CLIC5: variants seen among roughly 807,000 people sequenced by gnomAD.
CLIC5 encodes CLIC family member 5.
A neutral mutation model predicts 24.7 loss-of-function variants in CLIC5; 20 were observed. The ratio of observed to expected loss-of-function variants is 0.81; its 90% CI spans 0.57 to 1.18. The LOEUF (loss-of-function observed/expected upper bound fraction) is 1.18. Among genes scored for constraint, CLIC5 ranks in the 50% most tolerant of loss-of-function variants. The pLI is 0.00. For missense variants in CLIC5, 341 were observed against 326.1 expected, an observed-to-expected ratio of 1.05 and a Z score of -0.35; for synonymous variants, 159 against 135.6, an observed-to-expected ratio of 1.17 and a Z score of -1.20.
chr6:45,904,929 G>A (rs953000593), intron 5 of CLIC5, among the ~76,000 whole-genome samples: 7 of 151,796 alleles, frequency 4.6e-5, no homozygotes, highest in South Asian at 2.1e-4. Flanking sequence ...CTTTATGTCC[G>A]TGAGTACCTA....
At chr6:46,116,493 G>C in the CLIC5 span, among the ~76,000 whole-genome samples, 4 of 152,202 alleles carry the variant, frequency 2.6e-5, no homozygotes, top group Non-Finnish European at 2.9e-5. Flanking sequence ...AAAGGGCCCT[G>C]TTAAGTACAT....
At chr6:45,887,898 GA>G (rs1314242924) in intron 6 of CLIC5, among the ~76,000 whole-genome samples, 2 of 151,840 alleles carry the variant, frequency 1.3e-5, no homozygotes, top group Non-Finnish European at 2.9e-5. Context: ...AAGAGAGAGA[GA>G]AAAAAAGGAG....
intron 1 of CLIC5, among the ~76,000 whole-genome samples, chr6:45,992,715 G>A (rs944422715): frequency 2.0e-5 from 3 of 152,096 alleles, no homozygotes; most frequent in African/African-American, 7.2e-5. Context: ...CCTCAAGGAC[G>A]CTTTGTAAAC....
At chr6:46,081,211 G>T (rs1197082674), upstream of CLIC5, among the ~76,000 whole-genome samples, 3 of 152,196 alleles carry the variant, frequency 2.0e-5, no homozygotes, top group African/African-American at 7.2e-5. Context: ...GCCATCCACA[G>T]ATGCTGTGAA....
At chr6:45,958,441 T>TATACACACACACACACAC (rs1554151284) in intron 1 of CLIC5, among the ~76,000 whole-genome samples, 11 of 17,944 alleles carry the variant, frequency 6.1e-4, no homozygotes, top group South Asian at 3.1e-3. Context: ...TATATATATA[T>TATACACACACACACACAC]ATATATATAT....
chr6:45,920,572 T>C (rs1763217419), intron 4 of CLIC5: 1 of 519,606 alleles, frequency 1.9e-6, no homozygotes, highest in African/African-American at 2.1e-5. Context: ...GCCACACTTG[T>C]TGACATTTGA....
At chr6:45,982,621 A>T (rs1303835499) in intron 1 of CLIC5, among the ~76,000 whole-genome samples, 1 of 152,176 alleles carries the variant, frequency 6.6e-6, no homozygotes, top group African/African-American at 2.4e-5. Context: ...CAAAATATAG[A>T]AAAAGCATAA....
At chr6:46,017,654 A>T (rs535228830), upstream of CLIC5, among the ~76,000 whole-genome samples, 7 of 152,374 alleles carry the variant, frequency 4.6e-5, no homozygotes, top group South Asian at 1.4e-3. Context: ...TAATAGTTAC[A>T]TGAAATGAAA....
At chr6:46,034,768 A>G (rs542139566) in intron 1 of CLIC5, among the ~76,000 whole-genome samples, 2 of 152,192 alleles carry the variant, frequency 1.3e-5, no homozygotes, top group Non-Finnish European at 2.9e-5. Flanking sequence ...TTTCAACTTC[A>G]TATCTCAAAA....
intron 1 of CLIC5, among the ~76,000 whole-genome samples, chr6:45,958,633 A>G (rs1378357984): frequency 6.6e-6 from 1 of 151,464 alleles, no homozygotes; most frequent in Non-Finnish European, 1.5e-5. Flanking sequence ...TGATACCAGT[A>G]GTAGTAGCAT....
At chr6:45,990,429 A>C (rs1051240079) in intron 1 of CLIC5, among the ~76,000 whole-genome samples, 4 of 152,234 alleles carry the variant, frequency 2.6e-5, no homozygotes, top group African/African-American at 9.6e-5. Flanking sequence ...TTTGTTTTAG[A>C]AAACCACTTG....
rs116750055 is a variant in CLIC5 at position 45,906,901 on chromosome 6, A to G, written c.589-3646T>C. Reference sequence around the variant, plus strand: ...TACTGAGACTTTACTGAAGTTGTTTATCAGTTCCAGAAGCCTTCTGGTGAA... The same window carrying G: ...TACTGAGACTTTACTGAAGTTGTTTGTCAGTTCCAGAAGCCTTCTGGTGAA... On this transcript the variant is annotated intron_variant, in intron 5 of 5. Transcript: ENST00000339561. Among the ~76,000 whole-genome samples, 876 of 152,314 alleles carry G rather than the reference A, an allele frequency of 5.8e-3. 4 individuals are homozygous for G. Among genetic ancestry groups the G allele is most frequent in the African/African-American group, 0.02 (817 of 41,564 alleles).
At chr6:45,927,268 T>C (rs935556199) in intron 4 of CLIC5, among the ~76,000 whole-genome samples, 2 of 152,130 alleles carry the variant, frequency 1.3e-5, no homozygotes, top group African/African-American at 4.8e-5. Flanking sequence ...CCCAGCATGC[T>C]TCCTCACAGA....
chr6:46,109,418 G>A, the CLIC5 span, among the ~76,000 whole-genome samples: 14 of 148,902 alleles, frequency 9.4e-5, no homozygotes, highest in Admixed American at 4.8e-4. Context: ...GGTGGCTTAC[G>A]CCTATAATCC....
At chr6:46,033,773 C>A (rs1236902249) in intron 1 of CLIC5, among the ~76,000 whole-genome samples, 1 of 152,188 alleles carries the variant, frequency 6.6e-6, no homozygotes, top group African/African-American at 2.4e-5. Context: ...GTCTTTCCTG[C>A]ATTGTCTCTC....
intron 1 of CLIC5, among the ~76,000 whole-genome samples, chr6:45,991,733 A>C (rs149513497): frequency 8.5e-5 from 13 of 152,294 alleles, no homozygotes; most frequent in Non-Finnish European, 1.9e-4. Context: ...AGGAAAAGAA[A>C]GCTTCCTCAG....
At chr6:46,049,661 TAAA>T (rs1768050318) in intron 1 of CLIC5, among the ~76,000 whole-genome samples, 1 of 152,090 alleles carries the variant, frequency 6.6e-6, no homozygotes, top group Admixed American at 6.5e-5. Context: ...AGAACTAACA[TAAA>T]CAAGAAACAA....
intron 5 of CLIC5, among the ~76,000 whole-genome samples, chr6:45,904,593 G>T (rs3957316): frequency 0.39 from 35,997 of 92,672 alleles, 5,822 homozygotes; most frequent in South Asian, 0.47. Context: ...GCTAGGGTAG[G>T]GGTAACAGGA....
At chr6:45,883,014 CA>C (rs1360658602) in intron 6 of CLIC5, among the ~76,000 whole-genome samples, 2 of 152,190 alleles carry the variant, frequency 1.3e-5, no homozygotes, top group African/African-American at 4.8e-5. Flanking sequence ...AGTGGTGGAG[CA>C]GATCAAGATG....
Sources: gnomAD v4.1 joint callset for allele counts (sites outside exome capture counted in the v4.1 genomes callset) on GRCh38, gnomAD v4.1.1 for gene constraint, MANE v1.5 for transcripts, NCBI Gene and HGNC (gene_info 2026-07-23, HGNC 2026-07-21) for gene names.